The following ADGRL2 variants were observed in gnomAD, a reference collection of about 807,000 sequenced individuals.
The protein encoded by ADGRL2 is adhesion G protein-coupled receptor L2.
ADGRL2 carries 44 observed loss-of-function variants against 157.4 expected under a neutral mutation model. That is an observed-to-expected ratio of 0.28 (90% CI 0.22 to 0.36). The LOEUF is 0.36. ADGRL2 is among the 10% of genes least tolerant of loss of function. The pLI is 1.00. For missense variants in ADGRL2, 1,510 were observed against 1,768.9 expected (o/e 0.85, Z 2.63); for synonymous variants, 585 against 624.7 (o/e 0.94, Z 0.95).
intron 1 of ADGRL2, among the ~76,000 whole-genome samples, chr1:81,330,264 A>G (rs1490508393): frequency 1.3e-5 from 2 of 152,156 alleles, no homozygotes; most frequent in African/African-American, 2.4e-5. Flanking sequence ...TACTGACCCA[A>G]TGAGGATTAA....
At position 81,864,294 on chromosome 1, in the gene ADGRL2, G is replaced by A. The variant is rs2093470949; in HGVS notation, c.73+27237G>A. Among the ~76,000 whole-genome samples the A allele has an allele frequency of 6.9e-5, 3 of 43,478 alleles. No homozygotes were observed. In the South Asian group the frequency reaches 4.5e-3, roughly 65 times the overall value. The allele number at this position is 43,478 out of a possible 152,430, so 28.5% of individuals were successfully genotyped here. ...AATGGGGAATTAAGTGCCAAGTCAT[G>A]TGTCTGAAGTCAGCATATATATCAG... On this transcript the variant is annotated intron_variant, in intron 2 of 23. Coordinates refer to ENST00000686636, the MANE Select transcript of ADGRL2 (RefSeq NM_001366006.2).
chr1:81,652,776 G>A (rs1394219281), intron 3 of ADGRL2, among the ~76,000 whole-genome samples: 1 of 152,036 alleles, frequency 6.6e-6, no homozygotes, highest in Admixed American at 6.6e-5. Flanking sequence ...CAAGCTTCCG[G>A]ATGCCCTCTT....
intron 6 of ADGRL2, among the ~76,000 whole-genome samples, chr1:81,945,423 A>AG (rs752198852): frequency 6.6e-6 from 1 of 152,146 alleles, no homozygotes; most frequent in Non-Finnish European, 1.5e-5. Flanking sequence ...AAAAAAAGAA[A>AG]GAAAAAAAAT....
At chr1:81,886,437 T>C (rs1193102444) in intron 2 of ADGRL2, among the ~76,000 whole-genome samples, 1 of 152,222 alleles carries the variant, frequency 6.6e-6, no homozygotes, top group East Asian at 1.9e-4. Context: ...CCCAAAGTGC[T>C]GGGATTACAG....
upstream of ADGRL2, among the ~76,000 whole-genome samples, chr1:81,696,017 A>G (rs1348351335): frequency 2.0e-5 from 3 of 152,124 alleles, no homozygotes; most frequent in Admixed American, 6.5e-5. Context: ...CTCGCCATCC[A>G]GTGCTGCTTA....
At chr1:81,831,241 T>C (rs1300735280) in intron 1 of ADGRL2, among the ~76,000 whole-genome samples, 1 of 152,218 alleles carries the variant, frequency 6.6e-6, no homozygotes, top group East Asian at 1.9e-4. Flanking sequence ...AGTAGTTTGG[T>C]TGATAAAATT....
chr1:81,512,743 A>G (rs1291274428), intron 2 of ADGRL2, among the ~76,000 whole-genome samples: 1 of 152,196 alleles, frequency 6.6e-6, no homozygotes, highest in Non-Finnish European at 1.5e-5. Flanking sequence ...CTTCCTTTAC[A>G]GTGTACCATT....
intron 1 of ADGRL2, among the ~76,000 whole-genome samples, chr1:81,318,184 T>A (rs967602797): frequency 4.6e-5 from 7 of 152,186 alleles, no homozygotes; most frequent in Non-Finnish European, 1.0e-4. Flanking sequence ...ATGAATATGG[T>A]CAATAACAGT....
At chr1:81,803,229 G>T (rs967339558) in intron 1 of ADGRL2, among the ~76,000 whole-genome samples, 3 of 152,064 alleles carry the variant, frequency 2.0e-5, no homozygotes, top group Non-Finnish European at 4.4e-5. Context: ...TGGGCTCCTT[G>T]ATTGGCTGGG....
chr1:81,958,247 G>T (rs546020668), intron 11 of ADGRL2, among the ~76,000 whole-genome samples: 92 of 147,874 alleles, frequency 6.2e-4, no homozygotes, highest in Non-Finnish European at 8.0e-4. Context: ...ACAAGAGCAA[G>T]ACTTTGTCTC....
chr1:81,519,061 A>G (rs1438731006), intron 2 of ADGRL2, among the ~76,000 whole-genome samples: 1 of 152,190 alleles, frequency 6.6e-6, no homozygotes, highest in Non-Finnish European at 1.5e-5. Flanking sequence ...CCCATTTTAC[A>G]GATGGGTGAA....
intron 1 of ADGRL2, among the ~76,000 whole-genome samples, chr1:81,402,046 G>T (rs2076766093): frequency 6.6e-6 from 1 of 151,770 alleles, no homozygotes; most frequent in Non-Finnish European, 1.5e-5. Context: ...ACATAAATTG[G>T]TAAGGAAAGA....
At chr1:81,778,090 T>G (rs11163368) in intron 2 of ADGRL2, among the ~76,000 whole-genome samples, 30,642 of 151,954 alleles carry the variant, frequency 0.2, 3,421 homozygotes, top group African/African-American at 0.29. Flanking sequence ...GGAGGCTGGG[T>G]CGGGCGTATT....
chr1:81,464,305 C>T (rs569296947), intron 2 of ADGRL2, among the ~76,000 whole-genome samples: 37 of 151,948 alleles, frequency 2.4e-4, no homozygotes, highest in African/African-American at 8.5e-4. Flanking sequence ...AATTTGTACA[C>T]GCACTCCATC....
chr1:81,317,573 G>A (rs191780203), intron 1 of ADGRL2, among the ~76,000 whole-genome samples: 141 of 152,288 alleles, frequency 9.3e-4, no homozygotes, highest in African/African-American at 3.2e-3. Flanking sequence ...TAACTCCTCT[G>A]TTAAGATTTG....
intron 1 of ADGRL2, among the ~76,000 whole-genome samples, chr1:81,725,717 A>G (rs2084501688): frequency 6.6e-6 from 1 of 152,196 alleles, no homozygotes; most frequent in Non-Finnish European, 1.5e-5. Context: ...TGCAAATATC[A>G]CCATAAGTGG....
At chr1:81,433,157 T>A (rs1168878011) in intron 1 of ADGRL2, among the ~76,000 whole-genome samples, 1 of 152,214 alleles carries the variant, frequency 6.6e-6, no homozygotes, top group African/African-American at 2.4e-5. Context: ...AAATTTGATT[T>A]TGTTACAATT....
chr1:81,361,680 T>C (rs1441797594), intron 1 of ADGRL2, among the ~76,000 whole-genome samples: 15 of 151,966 alleles, frequency 9.9e-5, no homozygotes. Flanking sequence ...GCTTCCACTT[T>C]AAGCAACAGA....
At chr1:81,599,259 T>C (rs1017369406) in intron 3 of ADGRL2, among the ~76,000 whole-genome samples, 1 of 152,226 alleles carries the variant, frequency 6.6e-6, no homozygotes, top group Non-Finnish European at 1.5e-5. Flanking sequence ...AAATCATTTT[T>C]CTATGTGTAG....
Sources: allele counts gnomAD v4.1 joint callset (sites outside exome capture counted in the v4.1 genomes callset), GRCh38; gene constraint gnomAD v4.1.1; transcripts MANE v1.5; gene names NCBI Gene and HGNC (gene_info 2026-07-23, HGNC 2026-07-21).